USP45: variants seen among roughly 807,000 people sequenced by gnomAD.
The protein encoded by USP45 is ubiquitin specific peptidase 45, also known as ubiquitin carboxyl-terminal hydrolase 45.
Under a neutral mutation model 95.8 loss-of-function variants are expected in USP45, and 89 were observed. The ratio of observed to expected loss-of-function variants is 0.93; its 90% CI spans 0.78 to 1.11. The LOEUF is 1.11. Among genes scored for constraint, USP45 ranks in the 50% least tolerant of loss-of-function variants. The pLI is 0.00. For synonymous variants in USP45, 281 were observed against 316.2 expected (o/e 0.89, Z 1.18); for missense variants, 898 against 942.5 (o/e 0.95, Z 0.62).
chr6:99,439,711 T>C, intron 16 of USP45, 58 bp downstream of exon 16: 1 of 1,224,314 alleles, frequency 8.2e-7, no homozygotes, highest in Non-Finnish European at 1.1e-6. Context: ...TAATAATATA[T>C]AGGATACTTT....
intron 5 of USP45, among the ~76,000 whole-genome samples, chr6:99,497,248 TG>T (rs1298647729): frequency 2.6e-5 from 4 of 152,086 alleles, no homozygotes; most frequent in African/African-American, 9.7e-5. Flanking sequence ...ATTCCATGTA[TG>T]GGGAAGGGGG....
At chr6:99,467,617 T>C (rs1377372962) in intron 10 of USP45, among the ~76,000 whole-genome samples, 1 of 152,098 alleles carries the variant, frequency 6.6e-6, no homozygotes, top group East Asian at 1.9e-4. Flanking sequence ...TAAAGATATT[T>C]CTTCTAGAAA....
chr6:99,485,467 T>C (rs1793653620), intron 7 of USP45, among the ~76,000 whole-genome samples: 1 of 152,134 alleles, frequency 6.6e-6, no homozygotes, highest in Non-Finnish European at 1.5e-5. Context: ...TGCAAAATAA[T>C]GTATATAGTA....
At chr6:99,515,100 A>G (rs183407919) in intron 1 of USP45, 1 of 152,442 alleles carries the variant, frequency 6.6e-6, no homozygotes, top group African/African-American at 2.4e-5. Flanking sequence ...GCGGACGGAA[A>G]GGTGTGGGGC....
intron 8 of USP45, among the ~76,000 whole-genome samples, chr6:99,478,220 GTT>G (rs71021740): frequency 0.054 from 5,400 of 99,452 alleles, 128 homozygotes; most frequent in African/African-American, 0.089. Context: ...ACTTAGATTT[GTT>G]TTTTTTTTTT....
At chr6:99,464,856 T>C (rs1787529942) in intron 12 of USP45, 109 bp from the exon 13 acceptor site, 2 of 1,277,608 alleles carry the variant, frequency 1.6e-6, no homozygotes, top group Admixed American at 5.8e-5. Context: ...TAACAAATTA[T>C]CAAAATAAAA....
intron 7 of USP45, among the ~76,000 whole-genome samples, chr6:99,483,892 ATATAT>A (rs944822597): frequency 9.3e-5 from 14 of 150,678 alleles, no homozygotes; most frequent in Non-Finnish European, 8.9e-5. Flanking sequence ...TAACTATTGA[ATATAT>A]TGTCCTATTC....
At chr6:99,464,870 GT>G in intron 12 of USP45, 123 bp from the exon 13 acceptor site, 1 of 1,191,300 alleles carries the variant, frequency 8.4e-7, no homozygotes, top group Non-Finnish European at 1.1e-6. Context: ...AATAAAAAGT[GT>G]TTAAGAGTTT....
chr6:99,470,289 A>C (rs1789079395), intron 9 of USP45, among the ~76,000 whole-genome samples: 1 of 152,200 alleles, frequency 6.6e-6, no homozygotes, highest in African/African-American at 2.4e-5. Context: ...TGCCTGGATA[A>C]GCAGAAGACA....
intron 9 of USP45, 151 bp downstream of exon 9, chr6:99,475,992 T>C: frequency 1.7e-6 from 1 of 595,020 alleles, no homozygotes; most frequent in Non-Finnish European, 2.9e-6. Flanking sequence ...GCGCGGCTAA[T>C]TTTTATTAGA....
intron 13 of USP45, among the ~76,000 whole-genome samples, chr6:99,463,331 G>A (rs1171261358): frequency 6.6e-6 from 1 of 152,112 alleles, no homozygotes; most frequent in Non-Finnish European, 1.5e-5. Flanking sequence ...GCTGATGGAA[G>A]TATACATGCC....
At chr6:99,499,583 T>C (rs1453950891) in intron 5 of USP45, among the ~76,000 whole-genome samples, 2 of 152,182 alleles carry the variant, frequency 1.3e-5, no homozygotes, top group Non-Finnish European at 2.9e-5. Context: ...GCCCTAGAAC[T>C]GCCAAAAGCC....
chr6:99,446,486 A>G (rs1420601373), intron 13 of USP45, 23 bp from the exon 14 acceptor site: 1 of 763,884 alleles, frequency 1.3e-6, no homozygotes, highest in Non-Finnish European at 1.7e-6. Flanking sequence ...AGTGTTTTCA[A>G]AGAAAAGAGT....
chr6:99,500,213 C>CT (rs1417868214), intron 5 of USP45, among the ~76,000 whole-genome samples: 5 of 151,024 alleles, frequency 3.3e-5, no homozygotes, highest in African/African-American at 1.2e-4. Flanking sequence ...CAGCCTCCGC[C>CT]TCCCGGGTTC....
At chr6:99,446,789 G>T (rs2128554835) in intron 13 of USP45, among the ~76,000 whole-genome samples, 1 of 152,276 alleles carries the variant, frequency 6.6e-6, no homozygotes, top group South Asian at 2.1e-4. Context: ...TGTTGCCCAG[G>T]CTAGAGTGCA....
chr6:99,502,646 A>T (rs1044802267), intron 5 of USP45, among the ~76,000 whole-genome samples: 1 of 152,216 alleles, frequency 6.6e-6, no homozygotes, highest in African/African-American at 2.4e-5. Flanking sequence ...ATCTGTGTCC[A>T]CACCCAAATC....
Position 99,439,855 on chromosome 6 carries a change from C to A in USP45, c.2074G>T (p.Ala692Ser). Residue 692 changes from alanine to serine, a missense_variant and splice_region_variant, in exon 16 of 18, where the codon GCT (alanine) becomes TCT (serine). Transcript: ENST00000500704. The part of the protein sequence containing the change: ...LILHLKRFHQ[A>S]GLSLRKVNRH... ...TTTACTTTACGAAGACTCAAGCCAGCCTTAAAAAGACCAAAACATTTTTGA... is the reference window on the plus strand; with the variant it reads ...TTTACTTTACGAAGACTCAAGCCAGACTTAAAAAGACCAAAACATTTTTGA... 6.3e-7 allele frequency: 1 copy of A among 1,597,348 alleles called. No individual in the cohort carries two copies.
intron 1 of USP45, among the ~76,000 whole-genome samples, chr6:99,511,151 T>C (rs1276326148): frequency 2.0e-5 from 3 of 151,352 alleles, no homozygotes; most frequent in African/African-American, 4.8e-5. Context: ...AACACTCATA[T>C]ACTAATTAGA....
At chr6:99,499,314 A>T (rs1583409740) in intron 5 of USP45, among the ~76,000 whole-genome samples, 1 of 152,200 alleles carries the variant, frequency 6.6e-6, no homozygotes, top group African/African-American at 2.4e-5. Flanking sequence ...TATTCCTTTT[A>T]TCATAAATAG....
Sources: allele counts gnomAD v4.1 joint callset (sites outside exome capture counted in the v4.1 genomes callset), GRCh38; gene constraint gnomAD v4.1.1; transcripts MANE v1.5; gene names NCBI Gene and HGNC (gene_info 2026-07-23, HGNC 2026-07-21).